ERAP1: variants seen among roughly 807,000 people sequenced by gnomAD.
ERAP1 encodes endoplasmic reticulum aminopeptidase 1, also known as adipocyte-derived leucine aminopeptidase.
ERAP1 carries 86 observed loss-of-function variants against 103.7 expected under a neutral mutation model. The ratio of observed to expected loss-of-function variants is 0.83; its 90% CI spans 0.70 to 0.99. The LOEUF (loss-of-function observed/expected upper bound fraction) is 0.99. ERAP1 is among the 50% of genes least tolerant of loss of function. The pLI is 0.00. For missense variants in ERAP1, 1,009 were observed against 1,128.4 expected (o/e 0.89, Z 1.52); for synonymous variants, 398 against 402.4 (o/e 0.99, Z 0.13).
intron 7 of ERAP1, 90 bp from the exon 8 acceptor site, chr5:96,792,282 TC>T: frequency 7.7e-7 from 1 of 1,301,918 alleles, no homozygotes; most frequent in Non-Finnish European, 1.1e-6. Flanking sequence ...AGGCAAGAAG[TC>T]CATACTTCAC....
chr5:96,762,316 G>C, exon 20 of ERAP1: 1 of 1,608,860 alleles, frequency 6.2e-7, no homozygotes. Flanking sequence ...CTCTGAAGTG[G>C]TTTCCCAAAC....
At chr5:96,898,235 A>C in the ERAP1 span, among the ~76,000 whole-genome samples, 1 of 152,006 alleles carries the variant, frequency 6.6e-6, no homozygotes, top group African/African-American at 2.4e-5. Context: ...ATAAATAAAA[A>C]ATCAAAGTTA....
At chr5:96,793,079 G>T (rs1414097049) in intron 7 of ERAP1, among the ~76,000 whole-genome samples, 1 of 152,124 alleles carries the variant, frequency 6.6e-6, no homozygotes, top group East Asian at 1.9e-4. Flanking sequence ...TAATAATTCT[G>T]CAATGAGCAA....
At chr5:96,804,001 G>C (rs1778283286) in intron 1 of ERAP1, 58 bp from the exon 2 acceptor site, 1 of 1,556,870 alleles carries the variant, frequency 6.4e-7, no homozygotes, top group East Asian at 2.2e-5. Flanking sequence ...TATTGACACA[G>C]CATAATTTCA....
chr5:96,873,286 C>A, the ERAP1 span: 1 of 454,228 alleles, frequency 2.2e-6, no homozygotes, highest in South Asian at 1.6e-5. Context: ...TCATTCTCAC[C>A]TGTTTGTTGA....
chr5:96,786,683 A>G, intron 11 of ERAP1, 134 bp from the exon 12 acceptor site: 1 of 651,526 alleles, frequency 1.5e-6, no homozygotes, highest in African/African-American at 1.8e-5. Context: ...CAAGCTCTCA[A>G]AACATCCCCA....
At chr5:96,882,396 C>T in the ERAP1 span, among the ~76,000 whole-genome samples, 2 of 152,144 alleles carry the variant, frequency 1.3e-5, no homozygotes, top group African/African-American at 2.4e-5. Context: ...CCTGATGCTC[C>T]TTATGGTTAA....
chr5:96,763,123 A>T (rs76698024), exon 20 of ERAP1: 1 of 779,648 alleles, frequency 1.3e-6, no homozygotes, highest in Non-Finnish European at 2.4e-6. Context: ...ACTTTAGCGA[A>T]GTCAGCTATG....
chr5:96,903,922 C>T, the ERAP1 span, among the ~76,000 whole-genome samples: 1 of 152,328 alleles, frequency 6.6e-6, no homozygotes, highest in South Asian at 2.1e-4. Context: ...CTCCCAAGCA[C>T]CAAAGTCCCA....
Position 96,803,470 on chromosome 5 carries a change from C to A in ERAP1, c.457G>T (p.Gly153Cys). 1.9e-6 allele frequency: 3 copies of A among 1,613,254 alleles called. No homozygotes were observed. Among genetic ancestry groups the A allele is most frequent in the Middle Eastern group, 1.7e-4 (1 of 6,054 alleles). Reference sequence around the variant, plus strand: ...CCGTGGAAAGTCTCCGAAAGATTGCCAGCATAGTGAATGACAACTGTGTAC... The same window carrying A: ...CCGTGGAAAGTCTCCGAAAGATTGCAAGCATAGTGAATGACAACTGTGTAC... The part of the protein sequence containing the change: ...LPYTVVIHYA[G>C]NLSETFHGFY... The change falls in exon 2 of 19, where the codon GGC becomes TGC. Residue 153 changes from glycine to cysteine, a missense_variant. This residue lies in a region of ERAP1 where 392 missense variants were observed against 455.2 expected (regional missense o/e 0.86). Transcript: ENST00000443439.
chr5:96,841,538 AC>A, the ERAP1 span, among the ~76,000 whole-genome samples: 4 of 151,196 alleles, frequency 2.6e-5, no homozygotes, highest in Non-Finnish European at 4.4e-5. Flanking sequence ...TGGCACCACC[AC>A]CCCCCCACAA....
chr5:96,929,647 G>C, the ERAP1 span, among the ~76,000 whole-genome samples: 1 of 152,102 alleles, frequency 6.6e-6, no homozygotes, highest in Non-Finnish European at 1.5e-5. Flanking sequence ...TGGGACTACA[G>C]GCATGCTTGG....
chr5:96,844,220 T>A, the ERAP1 span, among the ~76,000 whole-genome samples: 123 of 152,304 alleles, frequency 8.1e-4, no homozygotes, highest in African/African-American at 2.8e-3. Context: ...GACTTCCAAC[T>A]CTTCAACAAT....
chr5:96,852,887 C>T, the ERAP1 span, among the ~76,000 whole-genome samples: 1 of 152,154 alleles, frequency 6.6e-6, no homozygotes, highest in Non-Finnish European at 1.5e-5. Context: ...CAGGAATTTT[C>T]ATGGCTAAAC....
chr5:96,861,060 T>C, the ERAP1 span, among the ~76,000 whole-genome samples: 1 of 152,134 alleles, frequency 6.6e-6, no homozygotes, highest in Admixed American at 6.5e-5. Context: ...TGTGGCCAAA[T>C]TGTCTCCCTA....
downstream of ERAP1, chr5:96,772,940 A>G (rs1581481711): frequency 6.5e-6 from 1 of 154,030 alleles, no homozygotes; most frequent in South Asian, 2.1e-4. Flanking sequence ...AAAACAAAAG[A>G]AAAGCTAAGT....
chr5:96,770,403 C>G, downstream of ERAP1: 4 of 622,348 alleles, frequency 6.4e-6, no homozygotes, highest in Non-Finnish European at 1.2e-5. Context: ...TGAAAAAACA[C>G]CCAAAGTCTT....
downstream of ERAP1, among the ~76,000 whole-genome samples, chr5:96,771,416 G>A (rs545278323): frequency 6.6e-6 from 1 of 152,092 alleles, no homozygotes; most frequent in Admixed American, 6.5e-5. Context: ...AAAAAATAAA[G>A]CTGAGAGTGA....
At position 96,793,924 on chromosome 5, in the gene ERAP1, G is replaced by T; in HGVS notation, c.953C>A (p.Ala318Asp). The T allele has an allele frequency of 6.2e-7, 1 of 1,614,140 alleles. No homozygotes were observed. Reference sequence around the variant, plus strand: ...TGTTGTCAGTCCCCAGTTTTCCATAGCACCAGACTGAAAGTCGGGAATAGC... The same window carrying T: ...TGTTGTCAGTCCCCAGTTTTCCATATCACCAGACTGAAAGTCGGGAATAGC... ...LAAIPDFQSG[A>D]MENWGLTTYR... Residue 318 changes from alanine (A) to aspartate (D), a missense_variant, in exon 6 of 19, where the codon GCT becomes GAT. Coordinates refer to ENST00000443439, the MANE Select transcript of ERAP1 (RefSeq NM_001040458.3).
Sources: allele counts gnomAD v4.1 joint callset (sites outside exome capture counted in the v4.1 genomes callset), GRCh38; gene constraint gnomAD v4.1.1; regional missense constraint gnomAD v4.1.1; transcripts MANE v1.5; gene names NCBI Gene and HGNC (gene_info 2026-07-23, HGNC 2026-07-21).